Variants in MS4A4A observed in about 807,000 individuals in gnomAD.
MS4A4A encodes the protein membrane-spanning 4-domains subfamily A member 4A.
MS4A4A carries 26 observed loss-of-function variants against 28.0 expected under a neutral mutation model. The ratio of observed to expected loss-of-function variants is 0.93; its 90% CI spans 0.68 to 1.29. The LOEUF is 1.29. Ranked by LOEUF, MS4A4A falls within the 50% of genes most tolerant of loss-of-function variation. The probability of loss-of-function intolerance (pLI) is 0.00; values close to 1 mark genes in which losing one functional copy is unlikely to be tolerated. For missense variants in MS4A4A, 290 were observed against 293.1 expected (o/e 0.99, Z 0.08); for synonymous variants, 86 against 100.8 (o/e 0.85, Z 0.88).
chr11:60,290,053 G>C (rs957150335), intron 1 of MS4A4A: 1 of 440,374 alleles, frequency 2.3e-6, no homozygotes. Flanking sequence ...TTGCAGGCTT[G>C]TATCAAGGAT....
chr11:60,297,082 G>C, intron 2 of MS4A4A, 115 bp from the exon 3 acceptor site: 2 of 1,224,360 alleles, frequency 1.6e-6, no homozygotes, highest in South Asian at 2.5e-5. Context: ...TACTAAGAAG[G>C]TCATATGACT....
intron 4 of MS4A4A, 79 bp from the exon 5 acceptor site, chr11:60,302,480 A>T: frequency 7.4e-7 from 1 of 1,359,962 alleles, no homozygotes; most frequent in Non-Finnish European, 1.0e-6. Context: ...TAAGAAAGAG[A>T]TGGTGGGTGT....
chr11:60,288,744 C>A (rs780679965), intron 1 of MS4A4A, among the ~76,000 whole-genome samples: 4 of 152,220 alleles, frequency 2.6e-5, no homozygotes, highest in African/African-American at 9.6e-5. Flanking sequence ...AATGACTAAG[C>A]GTGTCTGTGG....
At chr11:60,291,443 C>T (rs1007606725) in intron 1 of MS4A4A, among the ~76,000 whole-genome samples, 1 of 152,112 alleles carries the variant, frequency 6.6e-6, no homozygotes, top group East Asian at 1.9e-4. Context: ...AAAGGAGGAA[C>T]TATGCAATAC....
In MS4A4A at chr11:60,301,007, A is replaced by AT. The variant is rs767540265; in HGVS notation, c.340dup (p.Ser114PhefsTer11). On this transcript the variant is annotated frameshift_variant, in exon 4 of 7. Transcript: ENST00000337908. LOFTEE classifies it high-confidence loss of function. ...TTTTTTCTCTCATTTTTAGTTTATTATTTCAGGATCCTTGTCAATTGCAGC... is the reference window on the plus strand; with the variant it reads ...TTTTTTCTCTCATTTTTAGTTTATTATTTTCAGGATCCTTGTCAATTGCAGC... 1 of 1,604,252 alleles carries AT rather than the reference A, an allele frequency of 6.2e-7. No homozygotes were observed. Among genetic ancestry groups the AT allele is most frequent in the African/African-American group, 1.3e-5 (1 of 74,534 alleles).
Position 60,308,269 on chromosome 11 carries a change from T to A in MS4A4A, c.*91T>A. The A allele has an allele frequency of 9.0e-7, 1 of 1,106,006 alleles. No homozygotes were observed. Among genetic ancestry groups the A allele is most frequent in the East Asian group, 2.4e-5 (1 of 42,404 alleles). The allele number at this position is 1,106,006 out of a possible 1,614,324, so 68.5% of individuals were successfully genotyped here. On this transcript the variant is annotated 3_prime_UTR_variant, in exon 7 of 7. Transcript: ENST00000337908. Reference sequence around the variant, plus strand: ...CATGAGAAATTACCAGTATCCAACTTCGATACTGATAGACTTGTTGATATT... The same window carrying A: ...CATGAGAAATTACCAGTATCCAACTACGATACTGATAGACTTGTTGATATT...
chr11:60,292,872 G>A (rs977491204), intron 2 of MS4A4A, among the ~76,000 whole-genome samples: 1 of 152,058 alleles, frequency 6.6e-6, no homozygotes, highest in African/African-American at 2.4e-5. Flanking sequence ...GACAGAATAG[G>A]GCAGGTGAAA....
chr11:60,304,101 A>G (rs903959588), intron 5 of MS4A4A, among the ~76,000 whole-genome samples: 7 of 152,252 alleles, frequency 4.6e-5, no homozygotes, highest in African/African-American at 1.7e-4. Flanking sequence ...TCTTTCAGTT[A>G]GAAACTGGCA....
chr11:60,302,699 G>A lies in MS4A4A; in HGVS notation c.528G>A (p.Gly176=). The A allele has an allele frequency of 6.2e-7, 1 of 1,613,836 alleles. No individual in the cohort carries two copies. Among genetic ancestry groups the A allele is most frequent in the South Asian group, 1.1e-5 (1 of 91,068 alleles). ...ATGGCAACTCAAATAATTGTCATGG[G>A]ACTATGTCCATCTTAATGGTTGGTA... ...NYYGNSNNCH[G]TMSILMGLDG... Residue 176 remains glycine (G), a synonymous_variant, in exon 5 of 7, where the codon GGG becomes GGA. Coordinates refer to ENST00000337908, the MANE Select transcript of MS4A4A (RefSeq NM_148975.3).
chr11:60,299,975 A>G (rs938988839), intron 3 of MS4A4A, among the ~76,000 whole-genome samples: 11 of 152,340 alleles, frequency 7.2e-5, no homozygotes, highest in Admixed American at 3.9e-4. Context: ...ATTTTATATC[A>G]TATGATGGGT....
At chr11:60,301,464 A>G (rs1056467443) in intron 4 of MS4A4A, among the ~76,000 whole-genome samples, 11 of 152,232 alleles carry the variant, frequency 7.2e-5, no homozygotes, top group African/African-American at 2.7e-4. Flanking sequence ...AGTTTTCAAT[A>G]AAAGAAATTC....
intron 1 of MS4A4A, chr11:60,290,113 A>T (rs751877430): frequency 2.2e-6 from 1 of 444,568 alleles, no homozygotes; most frequent in Non-Finnish European, 4.6e-6. Flanking sequence ...TCAGAGACTG[A>T]TTGCCTTCTA....
At chr11:60,296,117 T>C (rs1050222275) in intron 2 of MS4A4A, among the ~76,000 whole-genome samples, 3 of 152,046 alleles carry the variant, frequency 2.0e-5, no homozygotes, top group Non-Finnish European at 1.5e-5. Context: ...TGATGCTTTC[T>C]GTTTTGGAAA....
rs1343963073 is a variant in MS4A4A, at chr11:60,292,278, G to A, written c.95G>A (p.Gly32Glu). The change falls in exon 2 of 7, where the codon GGG becomes GAG. Residue 32 changes from glycine to glutamate, a missense_variant. Transcript: ENST00000337908. Reference protein sequence around the residue: ...TMQGMEQAMPGAGPGVPQLGN... With the variant: ...TMQGMEQAMPEAGPGVPQLGN... ...CAAGGAATGGAACAGGCCATGCCAGGGGCTGGCCCTGGTGTGCCCCAGCTG... is the reference window on the plus strand; with the variant it reads ...CAAGGAATGGAACAGGCCATGCCAGAGGCTGGCCCTGGTGTGCCCCAGCTG... The A allele has an allele frequency of 1.2e-6, 2 of 1,605,664 alleles. No individual in the cohort carries two copies. Among genetic ancestry groups the A allele is most frequent in the African/African-American group, 2.7e-5 (2 of 74,266 alleles).
chr11:60,292,695 G>A (rs1408870914), intron 2 of MS4A4A, among the ~76,000 whole-genome samples: 2 of 152,114 alleles, frequency 1.3e-5, no homozygotes, highest in African/African-American at 2.4e-5. Flanking sequence ...ACTAGCTGAC[G>A]CCCCCTTTAC....
chr11:60,296,967 A>G (rs1367511918), intron 2 of MS4A4A: 2 of 475,328 alleles, frequency 4.2e-6, no homozygotes, highest in Non-Finnish European at 3.7e-6. Flanking sequence ...GTTCTGGCAT[A>G]CTCCTTTTAA....
chr11:60,306,470 T>C (rs2085003140), intron 6 of MS4A4A, among the ~76,000 whole-genome samples: 1 of 152,214 alleles, frequency 6.6e-6, no homozygotes, highest in South Asian at 2.1e-4. Context: ...GTTGGAGAAC[T>C]CATGACAATG....
intron 6 of MS4A4A, among the ~76,000 whole-genome samples, chr11:60,306,477 A>C (rs1326472126): frequency 6.6e-6 from 1 of 152,210 alleles, no homozygotes; most frequent in Non-Finnish European, 1.5e-5. Context: ...AACTCATGAC[A>C]ATGTATTTTA....
At chr11:60,293,795 A>G (rs1031188363) in intron 2 of MS4A4A, among the ~76,000 whole-genome samples, 62 of 152,132 alleles carry the variant, frequency 4.1e-4, no homozygotes, top group African/African-American at 1.3e-3. Context: ...TTATGGCTTG[A>G]TAGCTCATTT....
Sources: allele counts gnomAD v4.1 joint callset (sites outside exome capture counted in the v4.1 genomes callset), GRCh38; gene constraint gnomAD v4.1.1; transcripts MANE v1.5; gene names NCBI Gene and HGNC (gene_info 2026-07-23, HGNC 2026-07-21).